Variants in PPP1CB observed in about 807,000 individuals in gnomAD.
PPP1CB encodes serine/threonine-protein phosphatase PP1-beta catalytic subunit.
Under a neutral mutation model 43.7 loss-of-function variants are expected in PPP1CB, and 2 were observed. The observed-to-expected ratio is 0.05, with a 90% CI of 0.02 to 0.14. The LOEUF (loss-of-function observed/expected upper bound fraction) is 0.14, where lower values mean the gene tolerates loss of function less well. Among genes scored for constraint, PPP1CB ranks in the 10% least tolerant of loss-of-function variants. The pLI, the probability that PPP1CB is intolerant of heterozygous loss-of-function variation, is 1.00. For synonymous variants in PPP1CB, 136 were observed against 135.6 expected (o/e 1.00, Z -0.02); for missense variants, 84 against 398.0 (o/e 0.21, Z 6.71).
chr2:28,760,422 G>A (rs1479425510), intron 1 of PPP1CB, among the ~76,000 whole-genome samples: 1 of 152,170 alleles, frequency 6.6e-6, no homozygotes. Context: ...AGATATACAA[G>A]CACATTGTGT....
chr2:28,752,689 C>G (rs1037082095), intron 1 of PPP1CB, among the ~76,000 whole-genome samples: 3 of 152,194 alleles, frequency 2.0e-5, no homozygotes, highest in East Asian at 3.8e-4. Context: ...TTCGTCTGCT[C>G]TGCATTTTTA....
chr2:28,782,362 A>G (rs1667173463), intron 4 of PPP1CB, among the ~76,000 whole-genome samples: 1 of 152,214 alleles, frequency 6.6e-6, no homozygotes, highest in Admixed American at 6.5e-5. Context: ...AAATTAATGT[A>G]TATGTCTAAC....
At chr2:28,771,847 A>G (rs1666920411) in intron 1 of PPP1CB, among the ~76,000 whole-genome samples, 1 of 152,210 alleles carries the variant, frequency 6.6e-6, no homozygotes, top group East Asian at 1.9e-4. Context: ...CCTTAACCAA[A>G]AAAAGATTGA....
chr2:28,768,050 A>C (rs977316333), intron 1 of PPP1CB, among the ~76,000 whole-genome samples: 3 of 152,140 alleles, frequency 2.0e-5, no homozygotes, highest in Non-Finnish European at 4.4e-5. Flanking sequence ...GTCATTCCTC[A>C]ATTTTTTTAA....
In PPP1CB at chr2:28,752,192, G is replaced by T; in HGVS notation, c.52+16G>T. The T allele has an allele frequency of 6.5e-7, 1 of 1,538,294 alleles. No individual in the cohort carries two copies. The highest frequency in any genetic ancestry group is 1.2e-5 in the South Asian group (1 of 83,716). On this transcript the variant is annotated intron_variant, in intron 1 of 7. Coordinates refer to ENST00000395366, the MANE Select transcript of PPP1CB (RefSeq NM_002709.3). The stretch of plus-strand genomic sequence containing the variant: ...CTGCTGGAGGGTGAGTGCGCGCCTG[G>T]CCGCGGGACAGAGGGAGGTCGGGCA...
Position 28,802,583 on chromosome 2 carries a change from GTAGT to G in PPP1CB, c.*3283_*3286del, listed in dbSNP as rs886820026. 6.6e-6 allele frequency: 1 copy of G among 152,180 alleles called. No homozygotes were observed. The highest frequency in any genetic ancestry group is 2.4e-5 in the African/African-American group (1 of 41,440). The allele number at this position is 152,180 out of a possible 1,614,324, so 9.4% of individuals were successfully genotyped here. A position where few individuals can be genotyped will look rare whatever the true frequency, so the allele number is the denominator to read the frequency against. Reference sequence around the variant, plus strand: ...GACAACATACTTTACGCAATGAACAGTAGTTAAATAGGAAATAAACTAGTTCCAT... The same window carrying G: ...GACAACATACTTTACGCAATGAACAGTAAATAGGAAATAAACTAGTTCCAT... On this transcript the variant is annotated 3_prime_UTR_variant, in exon 8 of 8. Transcript: ENST00000395366.
In PPP1CB at chr2:28,751,905, T is replaced by G; in HGVS notation, c.-220T>G. On this transcript the variant is annotated 5_prime_UTR_variant, in exon 1 of 8. Transcript: ENST00000395366. ...CGGCCCTGTTCGAGGGGGCCTCTCT[T>G]GTTTATTTATTTATTTTCCGTGGGT... 8.5e-5 allele frequency: 46 copies of G among 542,402 alleles called. No individual in the cohort carries two copies. The highest frequency in any genetic ancestry group is 2.2e-4 in the East Asian group (6 of 27,408). The allele number at this position is 542,402 out of a possible 1,614,324, so 33.6% of individuals were successfully genotyped here. A position where few individuals can be genotyped will look rare whatever the true frequency, so the allele number is the denominator to read the frequency against.
chr2:28,777,168 C>G (rs1204167247), intron 2 of PPP1CB, 186 bp downstream of exon 2: 1 of 476,024 alleles, frequency 2.1e-6, no homozygotes, highest in Non-Finnish European at 3.6e-6. Flanking sequence ...AAAATACTTG[C>G]TATATATCAA....
At chr2:28,775,537 T>G (rs752700388) in intron 1 of PPP1CB, among the ~76,000 whole-genome samples, 1 of 152,198 alleles carries the variant, frequency 6.6e-6, no homozygotes, top group Non-Finnish European at 1.5e-5. Flanking sequence ...AGGCTAATTC[T>G]GTTTTTTAAA....
At chr2:28,767,525 G>A (rs1005907419) in intron 1 of PPP1CB, among the ~76,000 whole-genome samples, 1 of 152,240 alleles carries the variant, frequency 6.6e-6, no homozygotes, top group East Asian at 1.9e-4. Flanking sequence ...AAATGTTGCA[G>A]TACAGCAATA....
chr2:28,782,056 AG>A, intron 4 of PPP1CB: 1 of 598,348 alleles, frequency 1.7e-6, no homozygotes, highest in Non-Finnish European at 2.9e-6. Flanking sequence ...TTCACATATA[AG>A]GAGTGTAACT....
chr2:28,751,885 C>T lies in PPP1CB; in HGVS notation c.-240C>T, dbSNP rs1363524647. 6.8e-6 allele frequency: 4 copies of T among 584,898 alleles called. No individual in the cohort carries two copies. In the South Asian group the frequency reaches 7.2e-5, roughly 11 times the overall value. The allele number at this position is 584,898 out of a possible 1,614,324, so 36.2% of individuals were successfully genotyped here. On this transcript the variant is annotated 5_prime_UTR_variant, in exon 1 of 8. Transcript: ENST00000395366. ...GTGGCGGCCTGGGTCTGACGCGGCC[C>T]TGTTCGAGGGGGCCTCTCTTGTTTA... is the stretch of plus-strand genomic sequence containing the variant.
chr2:28,786,357 G>T (rs540066101), intron 5 of PPP1CB, among the ~76,000 whole-genome samples: 2 of 152,076 alleles, frequency 1.3e-5, no homozygotes, highest in African/African-American at 4.8e-5. Context: ...CTGGTGATCC[G>T]CCCACCTCGG....
intron 1 of PPP1CB, among the ~76,000 whole-genome samples, chr2:28,775,005 A>G (rs1667003006): frequency 6.6e-6 from 1 of 151,956 alleles, no homozygotes; most frequent in Non-Finnish European, 1.5e-5. Context: ...ATATTAATAT[A>G]TTAATGGAAT....
rs769650329 is a variant in PPP1CB, at chr2:28,785,065, C to CTTTTTTTTTTTTTTTTTTTTTTTTTTTTT, written c.592+1115_592+1116insTTTTTTTTTTTTTTTTTTTTTTTTTTTTT. On this transcript the variant is annotated intron_variant, in intron 5 of 7. Coordinates refer to ENST00000395366, the MANE Select transcript of PPP1CB (RefSeq NM_002709.3). ...ATGTTGTAATAAATTGTGTTAGGAG[C>CTTTTTTTTTTTTTTTTTTTTTTTTTTTTT]TTTTTTTTTTTTTTTTTTTTTTTTT... Among the ~76,000 whole-genome samples the CTTTTTTTTTTTTTTTTTTTTTTTTTTTTT allele has an allele frequency of 2.5e-4, 14 of 54,996 alleles. 3 individuals are homozygous for CTTTTTTTTTTTTTTTTTTTTTTTTTTTTT. Among genetic ancestry groups the CTTTTTTTTTTTTTTTTTTTTTTTTTTTTT allele is most frequent in the Non-Finnish European group, 3.8e-4 (11 of 28,692 alleles). The allele number at this position is 54,996 out of a possible 152,430, so 36.1% of individuals were successfully genotyped here.
Position 28,759,520 on chromosome 2 carries a change from CAAAAAA to C in PPP1CB, c.52+7365_52+7370del, listed in dbSNP as rs559532367. Among the ~76,000 whole-genome samples, 43 of 100,816 alleles carry C rather than the reference CAAAAAA, an allele frequency of 4.3e-4. 1 individual carries two copies. The highest frequency in any genetic ancestry group is 1.2e-3 in the Admixed American group (10 of 8,388). 66.1% of individuals were successfully genotyped at this position (100,816 alleles called of 152,430 possible). On this transcript the variant is annotated intron_variant, in intron 1 of 7. Coordinates refer to ENST00000395366, the MANE Select transcript of PPP1CB (RefSeq NM_002709.3). ...GGGCGAAAGAGTGAGACTGCATCTC[CAAAAAA>C]AAAAAAAAAAAAAAAAAAAAGTATA...
In PPP1CB at chr2:28,773,964, A is replaced by G. The variant is rs79165386; in HGVS notation, c.53-2887A>G. Among the ~76,000 whole-genome samples, 1,381 of 152,326 alleles carry G rather than the reference A, an allele frequency of 9.1e-3. 22 individuals carry two copies. The highest frequency in any genetic ancestry group is 0.032 in the African/African-American group (1,315 of 41,588). ...AGCTTTTAATTGCAAGAGTCTCACA[A>G]CTTCAGAGATATTAGTTAAGGGAGA... On this transcript the variant is annotated intron_variant, in intron 1 of 7. Coordinates refer to ENST00000395366, the MANE Select transcript of PPP1CB (RefSeq NM_002709.3).
chr2:28,797,726 A>C (rs760397469), intron 7 of PPP1CB, among the ~76,000 whole-genome samples: 2 of 152,048 alleles, frequency 1.3e-5, no homozygotes, highest in Non-Finnish European at 2.9e-5. Flanking sequence ...ATCTTTTCTT[A>C]ATCTAGCTAG....
chr2:28,762,515 C>T (rs933228509), intron 1 of PPP1CB, among the ~76,000 whole-genome samples: 1 of 151,966 alleles, frequency 6.6e-6, no homozygotes, highest in Non-Finnish European at 1.5e-5. Flanking sequence ...CCTACAGATA[C>T]GTAGTTAGAA....
Sources: allele counts gnomAD v4.1 joint callset (sites outside exome capture counted in the v4.1 genomes callset), GRCh38; gene constraint gnomAD v4.1.1; transcripts MANE v1.5; gene names NCBI Gene and HGNC (gene_info 2026-07-23, HGNC 2026-07-21).